Variants in GATAD2A observed in about 807,000 individuals in gnomAD.
GATAD2A encodes the protein transcriptional repressor p66-alpha.
In GATAD2A, 12 loss-of-function variants were observed where a neutral mutation model predicts 68.5. The ratio of observed to expected loss-of-function variants is 0.18; its 90% confidence interval spans 0.11 to 0.28. The LOEUF (loss-of-function observed/expected upper bound fraction) is 0.28, where lower values mean the gene tolerates loss of function less well. Ranked by LOEUF, GATAD2A falls within the 10% of genes least tolerant of loss-of-function variation. The pLI is 1.00. For missense variants in GATAD2A, 755 were observed against 868.5 expected, an observed-to-expected ratio of 0.87 and a Z score of 1.64; for synonymous variants, 410 against 375.3, an observed-to-expected ratio of 1.09 and a Z score of -1.07.
At position 19,508,014 on chromosome 19, in the gene GATAD2A, G is replaced by GCA. The variant is rs753558986; in HGVS notation, c.*2544_*2545dup. 1.5e-4 allele frequency: 23 copies of GCA among 152,280 alleles called. No homozygotes were observed. Among genetic ancestry groups the GCA allele is most frequent in the African/African-American group, 3.6e-4 (15 of 41,540 alleles). 9.4% of individuals were successfully genotyped at this position (152,280 alleles called of 1,614,324 possible). On this transcript the variant is annotated 3_prime_UTR_variant, in exon 12 of 12. Transcript: ENST00000683918. ...TTAAGGGTGTTCTACCCACAGCAAA[G>GCA]CACACCCTCTTAAACCAGGCACTGC... is the stretch of plus-strand genomic sequence containing the variant.
In GATAD2A at chr19:19,505,581, C is replaced by A. The variant is rs537276171; in HGVS notation, c.*107C>A. On this transcript the variant is annotated 3_prime_UTR_variant, in exon 12 of 12. Coordinates refer to ENST00000683918, the MANE Select transcript of GATAD2A (RefSeq NM_001384528.1). ...CGCTGGCTCGGGAAGACACCGTGCC[C>A]GCCCCAAGAGCAAGCACCGGCCATG... 7 of 1,015,122 alleles carry A rather than the reference C, an allele frequency of 6.9e-6. No homozygotes were observed. The Admixed American group carries it at 1.1e-4, about 16-fold the overall frequency. 62.9% of individuals were successfully genotyped at this position (1,015,122 alleles called of 1,614,324 possible). A position where few individuals can be genotyped will look rare whatever the true frequency, so the allele number is the denominator to read the frequency against.
chr19:19,414,029 T>C (rs1396290104), intron 1 of GATAD2A, among the ~76,000 whole-genome samples: 1 of 152,136 alleles, frequency 6.6e-6, no homozygotes, highest in Non-Finnish European at 1.5e-5. Flanking sequence ...CTTTTCTGAC[T>C]GTACAAGCAA....
intron 11 of GATAD2A, among the ~76,000 whole-genome samples, chr19:19,503,117 C>T (rs1043832172): frequency 1.3e-5 from 2 of 152,176 alleles, no homozygotes; most frequent in Non-Finnish European, 2.9e-5. Flanking sequence ...GGCATGGTCC[C>T]GATGGCCTGT....
chr19:19,406,690 C>T (rs1431712158), intron 1 of GATAD2A, among the ~76,000 whole-genome samples: 2 of 152,174 alleles, frequency 1.3e-5, no homozygotes, highest in Non-Finnish European at 2.9e-5. Flanking sequence ...AGTGGGTCGG[C>T]ATCAGTGACT....
At chr19:19,487,888 C>T (rs2059546543) in intron 2 of GATAD2A, among the ~76,000 whole-genome samples, 1 of 152,180 alleles carries the variant, frequency 6.6e-6, no homozygotes. Context: ...ACACAGCCAG[C>T]AGCCCACCCT....
chr19:19,424,178 C>A (rs575446277), intron 1 of GATAD2A, among the ~76,000 whole-genome samples: 1 of 152,158 alleles, frequency 6.6e-6, no homozygotes, highest in African/African-American at 2.4e-5. Flanking sequence ...CCCACCTCAG[C>A]GTCCCAAAGG....
At chr19:19,426,466 C>T (rs1027200684) in intron 1 of GATAD2A, among the ~76,000 whole-genome samples, 2 of 152,088 alleles carry the variant, frequency 1.3e-5, no homozygotes, top group Admixed American at 6.6e-5. Flanking sequence ...AATGTGTGGC[C>T]GCTGCTGTTA....
At chr19:19,501,909 G>A (rs372837506) in intron 9 of GATAD2A, 60 bp from the exon 10 acceptor site, 2 of 1,344,810 alleles carry the variant, frequency 1.5e-6, no homozygotes, top group Non-Finnish European at 1.1e-6. Context: ...GCTCACCCTC[G>A]GTCACCCTGG....
intron 1 of GATAD2A, among the ~76,000 whole-genome samples, chr19:19,428,589 C>T (rs536556410): frequency 2.6e-5 from 4 of 152,094 alleles, no homozygotes; most frequent in South Asian, 2.1e-4. Context: ...GGAGGAAGCT[C>T]GTGAGCATTT....
At chr19:19,453,329 A>G (rs763601387) in intron 1 of GATAD2A, among the ~76,000 whole-genome samples, 10 of 152,162 alleles carry the variant, frequency 6.6e-5, no homozygotes, top group Non-Finnish European at 1.3e-4. Context: ...CCAGGGACCT[A>G]TTTATCTTGA....
intron 1 of GATAD2A, among the ~76,000 whole-genome samples, chr19:19,426,041 G>A (rs557319961): frequency 5.8e-4 from 88 of 152,194 alleles, no homozygotes; most frequent in African/African-American, 2.0e-3. Flanking sequence ...ATCCACCTCG[G>A]CCTCCCAAAG....
chr19:19,409,714 G>C (rs1048157080), intron 1 of GATAD2A, among the ~76,000 whole-genome samples: 2 of 149,018 alleles, frequency 1.3e-5, no homozygotes, highest in Non-Finnish European at 1.5e-5. Flanking sequence ...TGGTTGCAGC[G>C]AGGTGGAAAT....
chr19:19,406,785 C>T (rs1363344431), intron 1 of GATAD2A, among the ~76,000 whole-genome samples: 1 of 152,174 alleles, frequency 6.6e-6, no homozygotes, highest in Non-Finnish European at 1.5e-5. Context: ...ATGGGCAGGG[C>T]CCAGGCTGAG....
chr19:19,464,578 C>G (rs2057721632), intron 1 of GATAD2A: 1 of 152,296 alleles, frequency 6.6e-6, no homozygotes, highest in African/African-American at 2.4e-5. Flanking sequence ...CTTTGTCTCT[C>G]CGACTGAATC....
rs2060836007 is a variant in GATAD2A at position 19,505,644 on chromosome 19, T to C, written c.*170T>C. The stretch of plus-strand genomic sequence containing the variant: ...GACCTCAATTCTTGGCTGCAAAGTT[T>C]CATCAGGGCTAGGGGGCTGGTGCCG... On this transcript the variant is annotated 3_prime_UTR_variant, in exon 12 of 12. Transcript: ENST00000683918. The C allele has an allele frequency of 3.4e-6, 2 of 581,966 alleles. No homozygotes were observed. The allele number at this position is 581,966 out of a possible 1,614,324, so 36.1% of individuals were successfully genotyped here. A position where few individuals can be genotyped will look rare whatever the true frequency, so the allele number is the denominator to read the frequency against.
chr19:19,499,230 C>T (rs968315618), intron 8 of GATAD2A, among the ~76,000 whole-genome samples: 3 of 152,176 alleles, frequency 2.0e-5, no homozygotes, highest in African/African-American at 2.4e-5. Context: ...AAGACATCTA[C>T]GGGGTGATCA....
At chr19:19,431,439 T>C (rs1042830834) in intron 1 of GATAD2A, among the ~76,000 whole-genome samples, 5 of 151,520 alleles carry the variant, frequency 3.3e-5, no homozygotes, top group South Asian at 2.1e-4. Context: ...CTCACACCTG[T>C]AATCCCAGCA....
chr19:19,457,034 G>T (rs1004442891), intron 1 of GATAD2A: 4 of 916,734 alleles, frequency 4.4e-6, no homozygotes, highest in Non-Finnish European at 5.2e-6. Flanking sequence ...GAAACCCTGA[G>T]GATCCCAGAG....
chr19:19,386,551 AG>A (rs2048437741), intron 1 of GATAD2A, among the ~76,000 whole-genome samples: 1 of 151,266 alleles, frequency 6.6e-6, no homozygotes, highest in South Asian at 2.1e-4. Context: ...CTCTCCAGGC[AG>A]GGGACCCCGC....
Sources: allele counts gnomAD v4.1 joint callset (sites outside exome capture counted in the v4.1 genomes callset), GRCh38; gene constraint gnomAD v4.1.1; transcripts MANE v1.5; gene names NCBI Gene and HGNC (gene_info 2026-07-23, HGNC 2026-07-21).